Variants in ATP9A observed in about 807,000 individuals in gnomAD.
ATP9A encodes probable phospholipid-transporting ATPase IIA.
ATP9A carries 52 observed loss-of-function variants against 144.1 expected under a neutral mutation model. That is an observed-to-expected ratio of 0.36 (90% CI 0.29 to 0.45). The LOEUF (loss-of-function observed/expected upper bound fraction) is 0.45. ATP9A is among the 20% of genes least tolerant of loss of function. The pLI is 1.00. For synonymous variants in ATP9A, 582 were observed against 557.4 expected (o/e 1.04, Z -0.62); for missense variants, 947 against 1,392.7 (o/e 0.68, Z 5.09).
intron 1 of ATP9A, among the ~76,000 whole-genome samples, chr20:51,760,237 C>T (rs1007363104): frequency 2.0e-5 from 3 of 151,890 alleles, no homozygotes; most frequent in South Asian, 2.1e-4. Context: ...CCTGTGAGTT[C>T]GATGTTAATG....
In ATP9A at chr20:51,743,955, C is replaced by T. The variant is rs889672218; in HGVS notation, c.69-13977G>A. On this transcript the variant is annotated intron_variant, in intron 1 of 27. Coordinates refer to ENST00000338821, the MANE Select transcript of ATP9A (RefSeq NM_006045.3). ...CCTGGAGGTGGAGGTTGCAGTAAGCCGAGATTCTGGCACTGCACTCCAGCC... is the reference window on the plus strand; with the variant it reads ...CCTGGAGGTGGAGGTTGCAGTAAGCTGAGATTCTGGCACTGCACTCCAGCC... Among the ~76,000 whole-genome samples, 9 of 150,686 alleles carry T rather than the reference C, an allele frequency of 6.0e-5. No individual in the cohort carries two copies. The South Asian group carries it at 1.7e-3, about 28-fold the overall frequency.
At chr20:51,615,482 T>C (rs1397532566) in intron 22 of ATP9A, among the ~76,000 whole-genome samples, 3 of 152,086 alleles carry the variant, frequency 2.0e-5, no homozygotes, top group African/African-American at 4.8e-5. Context: ...GAAAATTACA[T>C]ATATATACAT....
intron 15 of ATP9A, among the ~76,000 whole-genome samples, chr20:51,633,286 C>T (rs1487434808): frequency 6.6e-6 from 1 of 152,176 alleles, no homozygotes; most frequent in East Asian, 1.9e-4. Context: ...AAAAAATTCT[C>T]ATCGTATACA....
rs377657599 is a variant in ATP9A at position 51,720,994 on chromosome 20, C to T, written c.327+4825G>A. ...TTGGATAAAGGGCCTCTCTAGCTCT[C>T]AGGATGCTACTTCACCCCAAAATGA... is the stretch of plus-strand genomic sequence containing the variant. On this transcript the variant is annotated intron_variant, in intron 3 of 27. Transcript: ENST00000338821. 1.1e-4 allele frequency among the ~76,000 whole-genome samples: 16 copies of T among 152,340 alleles called. 2 individuals carry two copies. The highest frequency in any genetic ancestry group is 2.0e-4 in the Admixed American group (3 of 15,308).
intron 14 of ATP9A, among the ~76,000 whole-genome samples, chr20:51,642,434 C>T (rs539890640): frequency 2.0e-5 from 3 of 152,108 alleles, no homozygotes; most frequent in Non-Finnish European, 4.4e-5. Context: ...GCTGGGATTA[C>T]AGCCATGGGC....
At chr20:51,689,981 G>T (rs980103375) in intron 8 of ATP9A, among the ~76,000 whole-genome samples, 2 of 151,142 alleles carry the variant, frequency 1.3e-5, no homozygotes, top group Non-Finnish European at 1.5e-5. Flanking sequence ...GCGTGGTGAT[G>T]CACACCTGGA....
chr20:51,745,946 A>T (rs978402339), intron 1 of ATP9A, among the ~76,000 whole-genome samples: 1 of 152,246 alleles, frequency 6.6e-6, no homozygotes, highest in African/African-American at 2.4e-5. Flanking sequence ...CATCAAAGAC[A>T]GACTGGATAA....
intron 21 of ATP9A, 64 bp downstream of exon 21, chr20:51,618,598 T>C: frequency 6.5e-7 from 1 of 1,542,906 alleles, no homozygotes; most frequent in East Asian, 2.3e-5. Context: ...CAAATATCCT[T>C]AGGGAAAGGG....
At chr20:51,651,743 G>A (rs1441100830) in intron 14 of ATP9A, among the ~76,000 whole-genome samples, 1 of 151,852 alleles carries the variant, frequency 6.6e-6, no homozygotes, top group African/African-American at 2.4e-5. Context: ...AGCCTGGCCA[G>A]CATGGTGAAA....
At chr20:51,657,732 T>C (rs2077393251) in intron 13 of ATP9A, among the ~76,000 whole-genome samples, 1 of 152,160 alleles carries the variant, frequency 6.6e-6, no homozygotes, top group Admixed American at 6.5e-5. Context: ...TCTGGTACCG[T>C]ATGCAAGTAA....
In ATP9A at chr20:51,622,319, A is replaced by G. The variant is rs533824143; in HGVS notation, c.2017-147T>C. ...ACTCATGCTGTCCCCAACACAACACAGCAAGCGCCCTGGCTGAAGGGCTCT... is the reference window on the plus strand; with the variant it reads ...ACTCATGCTGTCCCCAACACAACACGGCAAGCGCCCTGGCTGAAGGGCTCT... On this transcript the variant is annotated intron_variant, in intron 18 of 27. Transcript: ENST00000338821. The G allele has an allele frequency of 7.8e-6, 5 of 643,068 alleles. No homozygotes were observed. The East Asian group carries it at 1.1e-4, about 14-fold the overall frequency. 39.8% of individuals were successfully genotyped at this position (643,068 alleles called of 1,614,324 possible). A position where few individuals can be genotyped will look rare whatever the true frequency, so the allele number is the denominator to read the frequency against.
intron 1 of ATP9A, among the ~76,000 whole-genome samples, chr20:51,737,975 G>A (rs1434422959): frequency 6.6e-6 from 1 of 151,818 alleles, no homozygotes; most frequent in Non-Finnish European, 1.5e-5. Flanking sequence ...GATCACTTGA[G>A]CCCAGGATTT....
At chr20:51,644,989 C>T (rs1190846046) in intron 14 of ATP9A, among the ~76,000 whole-genome samples, 1 of 152,190 alleles carries the variant, frequency 6.6e-6, no homozygotes, top group Non-Finnish European at 1.5e-5. Context: ...GCAGAATCGG[C>T]CAGCCCAGCA....
chr20:51,761,803 T>C (rs1441062569), intron 1 of ATP9A, among the ~76,000 whole-genome samples: 1 of 151,238 alleles, frequency 6.6e-6, no homozygotes, highest in Non-Finnish European at 1.5e-5. Flanking sequence ...CTTAAAACAA[T>C]GCAAGTTTAT....
At chr20:51,703,679 C>A (rs1269977765) in intron 4 of ATP9A, among the ~76,000 whole-genome samples, 1 of 152,156 alleles carries the variant, frequency 6.6e-6, no homozygotes, top group Non-Finnish European at 1.5e-5. Flanking sequence ...CAGGGAGAAA[C>A]CAGATGTTTC....
At chr20:51,758,148 G>A (rs1407922693) in intron 1 of ATP9A, among the ~76,000 whole-genome samples, 1 of 152,130 alleles carries the variant, frequency 6.6e-6, no homozygotes, top group Non-Finnish European at 1.5e-5. Context: ...AAGAAAGCAA[G>A]TATCATTTGG....
intron 4 of ATP9A, 140 bp from the exon 5 acceptor site, chr20:51,697,622 C>G: frequency 1.5e-6 from 1 of 677,042 alleles, no homozygotes; most frequent in Non-Finnish European, 2.4e-6. Context: ...GACTCCAGCA[C>G]CATTATTTCC....
chr20:51,664,693 C>T (rs2077425150), intron 13 of ATP9A, among the ~76,000 whole-genome samples: 1 of 151,998 alleles, frequency 6.6e-6, no homozygotes, highest in South Asian at 2.1e-4. Flanking sequence ...GTAAGGAACA[C>T]TGAGAATTAT....
chr20:51,648,499 T>A (rs1355316981), intron 14 of ATP9A, among the ~76,000 whole-genome samples: 1 of 152,156 alleles, frequency 6.6e-6, no homozygotes, highest in African/African-American at 2.4e-5. Context: ...AAATACTCTG[T>A]GGTGTACGTA....
Sources: allele counts gnomAD v4.1 joint callset (sites outside exome capture counted in the v4.1 genomes callset), GRCh38; gene constraint gnomAD v4.1.1; transcripts MANE v1.5; gene names NCBI Gene and HGNC (gene_info 2026-07-23, HGNC 2026-07-21).